Variants in NSG2 observed in about 807,000 individuals in gnomAD.
The protein encoded by NSG2 is neuronal vesicle trafficking associated 2.
NSG2 carries 4 observed loss-of-function variants against 16.9 expected under a neutral mutation model. The ratio of observed to expected loss-of-function variants is 0.24; its 90% CI spans 0.12 to 0.54. The LOEUF (loss-of-function observed/expected upper bound fraction) is 0.54, where lower values mean the gene tolerates loss of function less well. Ranked by LOEUF, NSG2 falls within the 20% of genes least tolerant of loss-of-function variation. The pLI is 0.95. For missense variants in NSG2, 179 were observed against 221.1 expected, an observed-to-expected ratio of 0.81 and a Z score of 1.21; for synonymous variants, 98 against 88.7, an observed-to-expected ratio of 1.11 and a Z score of -0.59.
At chr5:174,106,431 A>T (rs1329987638) in intron 4 of NSG2, among the ~76,000 whole-genome samples, 1 of 152,104 alleles carries the variant, frequency 6.6e-6, no homozygotes, top group African/African-American at 2.4e-5. Context: ...TTCTAGGGAC[A>T]CATGGAGTTG....
At chr5:174,103,008 C>T (rs1270489436) in intron 3 of NSG2, among the ~76,000 whole-genome samples, 2 of 145,856 alleles carry the variant, frequency 1.4e-5, no homozygotes, top group Non-Finnish European at 3.0e-5. Flanking sequence ...AGGCTGGTCA[C>T]GAACTCCTGA....
chr5:174,048,919 C>T (rs1759841919), intron 2 of NSG2, among the ~76,000 whole-genome samples: 1 of 152,208 alleles, frequency 6.6e-6, no homozygotes, highest in Admixed American at 6.5e-5. Context: ...CTCTGATTGT[C>T]ATCACACAGT....
At chr5:174,094,296 C>T (rs776755689) in intron 3 of NSG2, among the ~76,000 whole-genome samples, 21 of 152,166 alleles carry the variant, frequency 1.4e-4, no homozygotes, top group Non-Finnish European at 1.8e-4. Flanking sequence ...AAAAATCACT[C>T]GCCAAATGCC....
rs747433992 is a variant in NSG2, at chr5:174,102,753, T to G, written c.214-1475T>G. On this transcript the variant is annotated intron_variant, in intron 3 of 4. Coordinates refer to ENST00000303177, the MANE Select transcript of NSG2 (RefSeq NM_015980.5). ...AGCAGAAAAGGGCCATGCTTTGTTT[T>G]TTTTATTTATTTATTTATTTATTTA... 4.2e-3 allele frequency among the ~76,000 whole-genome samples: 344 copies of G among 81,872 alleles called. 1 individual carries two copies. The highest frequency in any genetic ancestry group is 5.1e-3 in the Non-Finnish European group (231 of 45,638). The allele number at this position is 81,872 out of a possible 152,430, so 53.7% of individuals were successfully genotyped here.
Position 174,104,218 on chromosome 5 carries a change from A to C in NSG2, c.214-10A>C. On this transcript the variant is annotated splice_polypyrimidine_tract_variant and intron_variant, in intron 3 of 4. Transcript: ENST00000303177. ...CTGAGGCTGGATGACTTAATTTTGT[A>C]TTCCTCCAGGTCACCATCCTTGTCA... 1 of 1,608,540 alleles carries C rather than the reference A, an allele frequency of 6.2e-7. No homozygotes were observed. Among genetic ancestry groups the C allele is most frequent in the Non-Finnish European group, 8.5e-7 (1 of 1,174,974 alleles).
intron 2 of NSG2, among the ~76,000 whole-genome samples, chr5:174,049,027 G>A (rs572089846): frequency 3.1e-4 from 47 of 152,122 alleles, no homozygotes; most frequent in South Asian, 8.3e-4. Context: ...GGCATTATAC[G>A]TAAAGTGCCT....
chr5:174,063,199 A>G (rs1157798343), intron 2 of NSG2, among the ~76,000 whole-genome samples: 1 of 152,262 alleles, frequency 6.6e-6, no homozygotes, highest in Non-Finnish European at 1.5e-5. Context: ...TCTATTTTAC[A>G]GATGAGACCC....
rs1760012153 is a variant in NSG2, at chr5:174,059,236, CT to C, written c.130-4992del. 3.3e-5 allele frequency among the ~76,000 whole-genome samples: 5 copies of C among 152,242 alleles called. No homozygotes were observed. The South Asian group carries it at 1.0e-3, about 32-fold the overall frequency. Reference sequence around the variant, plus strand: ...ATAAAAACCTCTTGGTATCTAATTTCTTTTGTTCAATGTAATGTCTATGAAA... The same window carrying C: ...ATAAAAACCTCTTGGTATCTAATTTCTTTGTTCAATGTAATGTCTATGAAA... On this transcript the variant is annotated intron_variant, in intron 2 of 4. Coordinates refer to ENST00000303177, the MANE Select transcript of NSG2 (RefSeq NM_015980.5).
At chr5:174,078,944 C>T (rs578057047) in intron 3 of NSG2, among the ~76,000 whole-genome samples, 12 of 152,258 alleles carry the variant, frequency 7.9e-5, no homozygotes, top group African/African-American at 1.9e-4. Context: ...CTAAGACACA[C>T]GCACACACAC....
chr5:174,064,519 G>A lies in NSG2; in HGVS notation c.213+204G>A, dbSNP rs549488718. Reference sequence around the variant, plus strand: ...TGCCTCTGAGGTCTATCATATTCTCGTGTACTCTGGAATGTTCTGATAAAT... The same window carrying A: ...TGCCTCTGAGGTCTATCATATTCTCATGTACTCTGGAATGTTCTGATAAAT... On this transcript the variant is annotated intron_variant, in intron 3 of 4. Transcript: ENST00000303177. 10 of 418,876 alleles carry A rather than the reference G, an allele frequency of 2.4e-5. 1 individual carries two copies. Among genetic ancestry groups the A allele is most frequent in the Admixed American group, 2.4e-4 (6 of 25,156 alleles). The allele number at this position is 418,876 out of a possible 1,614,324, so 25.9% of individuals were successfully genotyped here.
At chr5:174,070,653 A>T (rs147222056) in intron 3 of NSG2, among the ~76,000 whole-genome samples, 1 of 152,082 alleles carries the variant, frequency 6.6e-6, no homozygotes, top group African/African-American at 2.4e-5. Flanking sequence ...CAGATGAGAA[A>T]CATTCTGTGC....
chr5:174,095,446 TC>T, intron 3 of NSG2, among the ~76,000 whole-genome samples: 1 of 152,122 alleles, frequency 6.6e-6, no homozygotes, highest in Admixed American at 6.5e-5. Flanking sequence ...GCGCAGGTGT[TC>T]CCAGGCTTGT....
At chr5:174,058,710 G>T (rs1031823821) in intron 2 of NSG2, among the ~76,000 whole-genome samples, 10 of 152,110 alleles carry the variant, frequency 6.6e-5, no homozygotes, top group African/African-American at 2.2e-4. Flanking sequence ...TGACTGAGAG[G>T]TCAAAGAAGA....
At chr5:174,075,122 T>G (rs1760315948) in intron 3 of NSG2, among the ~76,000 whole-genome samples, 1 of 152,196 alleles carries the variant, frequency 6.6e-6, no homozygotes, top group Admixed American at 6.5e-5. Context: ...CAGCTTTATT[T>G]TATTAAACTT....
In NSG2 at chr5:174,081,919, G is replaced by A. The variant is rs527706085; in HGVS notation, c.213+17604G>A. On this transcript the variant is annotated intron_variant, in intron 3 of 4. Coordinates refer to ENST00000303177, the MANE Select transcript of NSG2 (RefSeq NM_015980.5). ...AAAAAAAAAAAAAAAGAGAGAGAAT[G>A]TACATGCATTTTTCTTTCTCCATGT... 1.5e-4 allele frequency among the ~76,000 whole-genome samples: 22 copies of A among 148,954 alleles called. No individual in the cohort carries two copies. In the South Asian group the frequency reaches 4.7e-3, roughly 32 times the overall value.
At chr5:174,091,966 T>C (rs1037309395) in intron 3 of NSG2, among the ~76,000 whole-genome samples, 1 of 152,136 alleles carries the variant, frequency 6.6e-6, no homozygotes, top group African/African-American at 2.4e-5. Context: ...AAGTGCTGAG[T>C]AGCTGATGAT....
At chr5:174,094,280 A>G (rs1760762602) in intron 3 of NSG2, among the ~76,000 whole-genome samples, 1 of 152,214 alleles carries the variant, frequency 6.6e-6, no homozygotes, top group African/African-American at 2.4e-5. Flanking sequence ...AAAGGAGATC[A>G]CACATAAAAA....
chr5:174,063,272 A>G (rs1247404620), intron 2 of NSG2, among the ~76,000 whole-genome samples: 1 of 152,200 alleles, frequency 6.6e-6, no homozygotes, highest in African/African-American at 2.4e-5. Flanking sequence ...GTTATTGATT[A>G]TCTGTCAGGT....
At chr5:174,066,898 G>A (rs1760149263) in intron 3 of NSG2, among the ~76,000 whole-genome samples, 1 of 145,882 alleles carries the variant, frequency 6.9e-6, no homozygotes, top group East Asian at 2.0e-4. Flanking sequence ...GCTGAGGCAG[G>A]AGAATGGCGT....
Sources: gnomAD v4.1 joint callset for allele counts (sites outside exome capture counted in the v4.1 genomes callset) on GRCh38, gnomAD v4.1.1 for gene constraint, MANE v1.5 for transcripts, NCBI Gene and HGNC (gene_info 2026-07-23, HGNC 2026-07-21) for gene names.